The following MAST4 variants were observed in gnomAD, a reference collection of about 807,000 sequenced individuals.
MAST4 encodes microtubule-associated serine/threonine-protein kinase 4.
In MAST4, 89 loss-of-function variants were observed where a neutral mutation model predicts 162.7. The observed-to-expected ratio is 0.55, with a 90% CI of 0.46 to 0.65. MAST4 has a LOEUF of 0.65. Among genes scored for constraint, MAST4 ranks in the 30% least tolerant of loss-of-function variants. The pLI, the probability that MAST4 is intolerant of heterozygous loss-of-function variation, is 0.00. For missense variants in MAST4, 3,153 were observed against 3,374.0 expected (o/e 0.93, Z 1.62); for synonymous variants, 1,479 against 1,361.1 (o/e 1.09, Z -1.91).
chr5:66,941,170 C>T (rs2150103276), intron 4 of MAST4, among the ~76,000 whole-genome samples: 1 of 152,190 alleles, frequency 6.6e-6, no homozygotes, highest in Non-Finnish European at 1.5e-5. Context: ...TTGGGATTTT[C>T]AGAATGGTAA....
intron 5 of MAST4, among the ~76,000 whole-genome samples, chr5:67,078,907 T>TATAAATAAATAAATAA (rs796522536): frequency 4.6e-5 from 1 of 21,516 alleles, no homozygotes; most frequent in African/African-American, 2.1e-4. Context: ...TATATTTTTA[T>TATAAATAAATAAATAA]ATAAATATAT....
intron 1 of MAST4, among the ~76,000 whole-genome samples, chr5:66,645,632 C>G (rs10075617): frequency 0.58 from 88,703 of 152,034 alleles, 26,979 homozygotes; most frequent in African/African-American, 0.74. Context: ...TCTACATATA[C>G]AGGGATTTTA....
At chr5:67,077,737 G>C (rs1021714599) in intron 5 of MAST4, among the ~76,000 whole-genome samples, 4 of 152,212 alleles carry the variant, frequency 2.6e-5, no homozygotes, top group Admixed American at 2.6e-4. Context: ...CGGTAAGCCA[G>C]ACTGCTATCT....
intron 1 of MAST4, among the ~76,000 whole-genome samples, chr5:66,627,149 A>G (rs1196337232): frequency 1.3e-5 from 2 of 152,150 alleles, no homozygotes; most frequent in African/African-American, 4.8e-5. Context: ...GCGGAAGGGG[A>G]AGCAAACATG....
rs1743624197 is a variant in MAST4, at chr5:66,615,674, A to ATGG, written c.363+18662_363+18664dup. 3.9e-5 allele frequency among the ~76,000 whole-genome samples: 6 copies of ATGG among 151,962 alleles called. No individual in the cohort carries two copies. The South Asian group carries it at 1.3e-3, about 32-fold the overall frequency. ...CTTAAAAAAAAAAAATTAGCTGAGT[A>ATGG]TGGTGGTGCATGCCTGTAGTCCCAG... On this transcript the variant is annotated intron_variant, in intron 1 of 28. Transcript: ENST00000403625.
chr5:66,830,808 A>C (rs10079202), intron 3 of MAST4, among the ~76,000 whole-genome samples: 2 of 152,240 alleles, frequency 1.3e-5, no homozygotes, highest in African/African-American at 4.8e-5. Flanking sequence ...TGTAGAGTTC[A>C]TAAGAGTAAC....
chr5:66,599,441 T>C (rs1037423252), intron 1 of MAST4, among the ~76,000 whole-genome samples: 3 of 152,206 alleles, frequency 2.0e-5, no homozygotes, highest in South Asian at 2.1e-4. Context: ...TGTGGACCAT[T>C]CAACTTCTGC....
At chr5:66,833,352 C>T (rs1757745056) in intron 3 of MAST4, among the ~76,000 whole-genome samples, 1 of 152,166 alleles carries the variant, frequency 6.6e-6, no homozygotes, top group Non-Finnish European at 1.5e-5. Context: ...ACTTCTTGCA[C>T]ACCTGGATTT....
intron 1 of MAST4, among the ~76,000 whole-genome samples, chr5:66,687,983 C>T (rs569670301): frequency 1.3e-4 from 20 of 152,230 alleles, no homozygotes; most frequent in Middle Eastern, 3.4e-3. Context: ...ATGATAAAGT[C>T]GTTGCATAAG....
At chr5:66,703,833 T>C (rs187227432) in intron 1 of MAST4, among the ~76,000 whole-genome samples, 10 of 152,318 alleles carry the variant, frequency 6.6e-5, no homozygotes, top group Admixed American at 4.6e-4. Context: ...TTGATCTCTT[T>C]AGGCAATCAG....
chr5:67,131,663 A>C, intron 15 of MAST4, 150 bp from the exon 16 acceptor site: 3 of 626,232 alleles, frequency 4.8e-6, no homozygotes, highest in Non-Finnish European at 5.2e-6. Context: ...AGTTAGAAAC[A>C]TGATAGGTTA....
rs1253900455 is a variant in MAST4, at chr5:67,080,929, T to TTCATTATATATATTATATAATATAATATA, written c.764-9232_764-9231insCATTATATATATTATATAATATAATATAT. ...ACATTATGGTTAATTAATGTTTTCT[T>TTCATTATATATATTATATAATATAATATA]TAATTATATATATTATATAATATAA... On this transcript the variant is annotated intron_variant, in intron 5 of 28. Coordinates refer to ENST00000403625, the MANE Select transcript of MAST4 (RefSeq NM_001164664.2). Among the ~76,000 whole-genome samples the TTCATTATATATATTATATAATATAATATA allele has an allele frequency of 5.5e-4, 78 of 142,118 alleles. 4 individuals carry two copies. The highest frequency in any genetic ancestry group is 6.7e-4 in the Admixed American group (9 of 13,490). The allele number at this position is 142,118 out of a possible 152,430, so 93.2% of individuals were successfully genotyped here.
intron 24 of MAST4, among the ~76,000 whole-genome samples, chr5:67,151,426 A>G (rs1169844857): frequency 6.6e-6 from 1 of 152,214 alleles, no homozygotes; most frequent in Non-Finnish European, 1.5e-5. Context: ...CAGAGCCCTC[A>G]TGACCTAATC....
rs149314826 is a variant in MAST4 at position 66,934,604 on chromosome 5, A to T, written c.674+34622A>T. Among the ~76,000 whole-genome samples, 1,022 of 152,058 alleles carry T rather than the reference A, an allele frequency of 6.7e-3. 12 individuals carry two copies. The highest frequency in any genetic ancestry group is 0.024 in the African/African-American group (977 of 41,468). On this transcript the variant is annotated intron_variant, in intron 4 of 28. Transcript: ENST00000403625. ...TTTTTTTTTTTCAGATTGCAGTTTG[A>T]GGAAGACTGGCATAGCATATACTAA...
intron 4 of MAST4, among the ~76,000 whole-genome samples, chr5:66,926,273 C>T (rs577983265): frequency 5.9e-5 from 9 of 152,192 alleles, no homozygotes; most frequent in South Asian, 4.1e-4. Flanking sequence ...TCTGGCTGGG[C>T]GCGGTGGCTC....
intron 3 of MAST4, among the ~76,000 whole-genome samples, chr5:66,852,874 A>G (rs926039592): frequency 5.9e-5 from 9 of 152,312 alleles, no homozygotes; most frequent in Admixed American, 3.9e-4. Flanking sequence ...GCGTGAAGAA[A>G]GAGGGATGCA....
At chr5:67,078,722 A>ATATTTAAATATATATT (rs1762014812) in intron 5 of MAST4, among the ~76,000 whole-genome samples, 1 of 114,962 alleles carries the variant, frequency 8.7e-6, no homozygotes, top group African/African-American at 4.1e-5. Flanking sequence ...TATTTATATT[A>ATATTTAAATATATATT]TATTTATATT....
At chr5:66,773,563 G>C (rs967969574) in intron 2 of MAST4, among the ~76,000 whole-genome samples, 2 of 152,154 alleles carry the variant, frequency 1.3e-5, no homozygotes, top group Non-Finnish European at 2.9e-5. Flanking sequence ...TCTAAAATTC[G>C]GGTGTTGCCA....
rs968028777 is a variant in MAST4, at chr5:67,100,569, G to T, written c.1047G>T (p.Met349Ile). Residue 349 changes from methionine (M) to isoleucine (I), a missense_variant, in exon 8 of 29, where the codon ATG (methionine) becomes ATT (isoleucine). Around this residue, in one of 7 missense-constraint regions of MAST4, gnomAD observed 360 missense variants for 450.0 expected, o/e 0.80. Transcript: ENST00000403625. ...AGAACAGATGCAGGAACACGCCGAT[G>T]CGCCCCCGTTCCCGAAGTCTGAGGT... is the stretch of plus-strand genomic sequence containing the variant. ...ATENRCRNTP[M>I]RPRSRSLSPG... is the part of the protein sequence containing the mutation. The T allele has an allele frequency of 1.7e-5, 28 of 1,613,734 alleles. No homozygotes were observed. The highest frequency in any genetic ancestry group is 2.3e-5 in the Non-Finnish European group (27 of 1,179,836).
Sources: allele counts gnomAD v4.1 joint callset (sites outside exome capture counted in the v4.1 genomes callset), GRCh38; gene constraint gnomAD v4.1.1; regional missense constraint gnomAD v4.1.1; transcripts MANE v1.5; gene names NCBI Gene and HGNC (gene_info 2026-07-23, HGNC 2026-07-21).